KCNQ3: variants seen among roughly 807,000 people sequenced by gnomAD.
KCNQ3 encodes the protein potassium voltage-gated channel subfamily Q member 3, also known as potassium voltage-gated channel subfamily KQT member 3.
Under a neutral mutation model 92.5 loss-of-function variants are expected in KCNQ3, and 30 were observed. That is an observed-to-expected ratio of 0.32 (90% CI 0.24 to 0.44). The LOEUF is 0.44. Ranked by LOEUF, KCNQ3 falls within the 20% of genes least tolerant of loss-of-function variation. The pLI, the probability that KCNQ3 is intolerant of heterozygous loss-of-function variation, is 1.00. For synonymous variants in KCNQ3, 450 were observed against 468.8 expected, an observed-to-expected ratio of 0.96 and a Z score of 0.52; for missense variants, 913 against 1,140.3, an observed-to-expected ratio of 0.80 and a Z score of 2.87.
At chr8:132,154,207 T>TTTTTTTG (rs1554624561) in intron 9 of KCNQ3, among the ~76,000 whole-genome samples, 8 of 143,204 alleles carry the variant, frequency 5.6e-5, no homozygotes, top group African/African-American at 1.8e-4. Context: ...TTTTTTTTTT[T>TTTTTTTG]TTTTTTTTTT....
At chr8:132,382,950 G>A (rs1819792563) in intron 1 of KCNQ3, among the ~76,000 whole-genome samples, 1 of 152,170 alleles carries the variant, frequency 6.6e-6, no homozygotes, top group Admixed American at 6.5e-5. Flanking sequence ...CCTGCCTCAG[G>A]GAGCTGTTGG....
chr8:132,480,596 G>A lies in KCNQ3; in HGVS notation c.-64C>T. 1 of 1,232,080 alleles carries A rather than the reference G, an allele frequency of 8.1e-7. No homozygotes were observed. The highest frequency in any genetic ancestry group is 1.0e-6 in the Non-Finnish European group (1 of 964,516). The allele number at this position is 1,232,080 out of a possible 1,614,324, so 76.3% of individuals were successfully genotyped here. ...CTGCTCTGGGAAGAAGGGGCGCTCG[G>A]GGTGCGTGAACGAGGCGGCGGCGGC... On this transcript the variant is annotated 5_prime_UTR_variant, in exon 1 of 15. Coordinates refer to ENST00000388996, the MANE Select transcript of KCNQ3 (RefSeq NM_004519.4).
rs146906597 is a variant in KCNQ3, at chr8:132,308,765, T to A, written c.387-122584A>T. ...ATAACCCCATGACAGAAGAATGTTA[T>A]CATCCCCACTTTAACAATGGAGATA... On this transcript the variant is annotated intron_variant, in intron 1 of 14. Transcript: ENST00000388996. 1.8e-3 allele frequency among the ~76,000 whole-genome samples: 277 copies of A among 152,306 alleles called. 1 individual carries two copies. Among genetic ancestry groups the A allele is most frequent in the African/African-American group, 6.6e-3 (273 of 41,566 alleles).
At chr8:132,181,534 C>T (rs761200416) in intron 3 of KCNQ3, among the ~76,000 whole-genome samples, 2 of 152,110 alleles carry the variant, frequency 1.3e-5, no homozygotes, top group Admixed American at 6.5e-5. Flanking sequence ...ATTTTGACCA[C>T]GGAACTATTT....
chr8:132,273,243 T>C (rs894344815), intron 1 of KCNQ3, among the ~76,000 whole-genome samples: 1 of 152,188 alleles, frequency 6.6e-6, no homozygotes, highest in African/African-American at 2.4e-5. Flanking sequence ...TCCTCTGAAA[T>C]CTAAGTGGAG....
chr8:132,206,913 T>G (rs1489155510), intron 1 of KCNQ3, among the ~76,000 whole-genome samples: 1 of 152,218 alleles, frequency 6.6e-6, no homozygotes, highest in African/African-American at 2.4e-5. Context: ...CTTTTCTAGT[T>G]CTTTAAGATG....
chr8:132,166,686 A>T (rs1826152783), intron 8 of KCNQ3, among the ~76,000 whole-genome samples: 2 of 151,398 alleles, frequency 1.3e-5, no homozygotes, highest in African/African-American at 2.5e-5. Flanking sequence ...AATTTGTAAT[A>T]AAAAAAATAA....
intron 1 of KCNQ3, among the ~76,000 whole-genome samples, chr8:132,348,666 C>T (rs376160777): frequency 3.9e-4 from 60 of 152,346 alleles, no homozygotes; most frequent in African/African-American, 1.4e-3. Context: ...TCCACCTTCT[C>T]TCCTCTTCAC....
rs192652029 is a variant in KCNQ3, at chr8:132,213,516, C to G, written c.387-27335G>C. ...TCCAAGAATGGCTGCTGACAACTTC[C>G]CAGGGTCAGGACCCAAGACCCAATC... On this transcript the variant is annotated intron_variant, in intron 1 of 14. Coordinates refer to ENST00000388996, the MANE Select transcript of KCNQ3 (RefSeq NM_004519.4). 2.7e-3 allele frequency among the ~76,000 whole-genome samples: 412 copies of G among 152,282 alleles called. 5 individuals carry two copies. Among genetic ancestry groups the G allele is most frequent in the African/African-American group, 9.6e-3 (397 of 41,556 alleles).
chr8:132,335,884 C>G (rs1327178677), intron 1 of KCNQ3, among the ~76,000 whole-genome samples: 1 of 152,022 alleles, frequency 6.6e-6, no homozygotes, highest in Non-Finnish European at 1.5e-5. Context: ...ATTTATTTAC[C>G]TGAAGGACTC....
At chr8:132,259,695 A>C (rs1815709564) in intron 1 of KCNQ3, among the ~76,000 whole-genome samples, 2 of 152,180 alleles carry the variant, frequency 1.3e-5, no homozygotes, top group Non-Finnish European at 2.9e-5. Flanking sequence ...TCTGAACTAC[A>C]AAAGAAGAAT....
At chr8:132,437,582 C>T (rs1023694506) in intron 1 of KCNQ3, among the ~76,000 whole-genome samples, 1 of 152,184 alleles carries the variant, frequency 6.6e-6, no homozygotes, top group Non-Finnish European at 1.5e-5. Flanking sequence ...TTCTAATTTG[C>T]CATACTCGTT....
At chr8:132,402,623 A>G (rs562000848) in intron 1 of KCNQ3, among the ~76,000 whole-genome samples, 4 of 152,308 alleles carry the variant, frequency 2.6e-5, no homozygotes, top group South Asian at 4.2e-4. Context: ...ATTCTGTAGG[A>G]TACTATAATG....
intron 1 of KCNQ3, among the ~76,000 whole-genome samples, chr8:132,400,347 C>T (rs905175821): frequency 6.6e-6 from 1 of 152,178 alleles, no homozygotes; most frequent in South Asian, 2.1e-4. Context: ...GAGTGGAACC[C>T]CAGGGCCGGC....
chr8:132,474,455 T>C (rs1315858369), intron 1 of KCNQ3, among the ~76,000 whole-genome samples: 1 of 152,114 alleles, frequency 6.6e-6, no homozygotes, highest in Non-Finnish European at 1.5e-5. Context: ...ACTAGAGAAG[T>C]GATCACCCTC....
chr8:132,475,718 T>C (rs563605770), intron 1 of KCNQ3, among the ~76,000 whole-genome samples: 1 of 152,356 alleles, frequency 6.6e-6, no homozygotes, highest in African/African-American at 2.4e-5. Context: ...AAGCAGAGCA[T>C]AAGGATTTAG....
At chr8:132,386,357 T>C (rs1184988366) in intron 1 of KCNQ3, among the ~76,000 whole-genome samples, 2 of 151,958 alleles carry the variant, frequency 1.3e-5, no homozygotes, top group African/African-American at 4.8e-5. Flanking sequence ...GAAATATAAA[T>C]CAGAGCCAGT....
intron 1 of KCNQ3, among the ~76,000 whole-genome samples, chr8:132,298,023 T>C (rs1817099478): frequency 6.6e-6 from 1 of 152,360 alleles, no homozygotes; most frequent in East Asian, 1.9e-4. Flanking sequence ...ATATTGATGC[T>C]TTTGTTCCCT....
intron 12 of KCNQ3, 35 bp from the exon 13 acceptor site, chr8:132,134,423 A>C (rs746302626): frequency 2.8e-6 from 4 of 1,419,202 alleles, no homozygotes; most frequent in Non-Finnish European, 4.0e-6. Context: ...ATTAAATTAC[A>C]CAGAGCTTTG....
Sources: gnomAD v4.1 joint callset for allele counts (sites outside exome capture counted in the v4.1 genomes callset) on GRCh38, gnomAD v4.1.1 for gene constraint, MANE v1.5 for transcripts, NCBI Gene and HGNC (gene_info 2026-07-23, HGNC 2026-07-21) for gene names.